LCP1: variants seen among roughly 807,000 people sequenced by gnomAD.
LCP1 encodes the protein lymphocyte cytosolic protein 1, also known as plastin-2.
Under a neutral mutation model 72.0 loss-of-function variants are expected in LCP1, and 23 were observed. That is an observed-to-expected ratio of 0.32 (90% confidence interval 0.23 to 0.45). The LOEUF (loss-of-function observed/expected upper bound fraction) is 0.45, where lower values mean the gene tolerates loss of function less well. LCP1 is among the 20% of genes least tolerant of loss of function. The pLI, the probability that LCP1 is intolerant of heterozygous loss-of-function variation, is 1.00. For synonymous variants in LCP1, 245 were observed against 275.4 expected, an observed-to-expected ratio of 0.89 and a Z score of 1.09; for missense variants, 571 against 748.3, an observed-to-expected ratio of 0.76 and a Z score of 2.76.
chr13:46,154,835 G>A lies in LCP1; in HGVS notation c.543C>T (p.Asn181=). The change falls in exon 6 of 16, where the codon AAC becomes AAT. Residue 181 remains asparagine, a synonymous_variant. Coordinates refer to ENST00000323076, the MANE Select transcript of LCP1 (RefSeq NM_002298.5). ...TGGTGAAAGGGGTTAGCTTCTTTTT[G>A]TTGATTGTTCTTTCATCAATTGTGT... The part of the protein sequence containing the change: ...VPDTIDERTI[N]KKKLTPFTIQ... 3 of 1,613,972 alleles carry A rather than the reference G, an allele frequency of 1.9e-6. No homozygotes were observed. The highest frequency in any genetic ancestry group is 2.5e-6 in the Non-Finnish European group (3 of 1,179,852).
intron 15 of LCP1, among the ~76,000 whole-genome samples, chr13:46,128,475 G>A (rs1019821191): frequency 1.1e-4 from 17 of 152,100 alleles, no homozygotes; most frequent in African/African-American, 4.1e-4. Flanking sequence ...GCGTGCGCCT[G>A]TAGTCCCAGC....
chr13:46,176,632 T>C (rs999796880), intron 1 of LCP1, among the ~76,000 whole-genome samples: 3 of 151,976 alleles, frequency 2.0e-5, no homozygotes, highest in Non-Finnish European at 2.9e-5. Flanking sequence ...AAATGCAGGG[T>C]ATTATTTAAA....
At chr13:46,164,426 C>T (rs1022283428) in intron 1 of LCP1, among the ~76,000 whole-genome samples, 33 of 152,144 alleles carry the variant, frequency 2.2e-4, no homozygotes, top group Non-Finnish European at 2.8e-4. Flanking sequence ...TATTTTTAAA[C>T]CACAGCAGGT....
intron 10 of LCP1, among the ~76,000 whole-genome samples, chr13:46,146,661 T>G (rs2045732601): frequency 6.6e-6 from 1 of 152,242 alleles, no homozygotes; most frequent in Admixed American, 6.5e-5. Context: ...TTATCTTTCC[T>G]AAAACATTTA....
chr13:46,129,855 G>A (rs2045623047), intron 15 of LCP1, among the ~76,000 whole-genome samples: 2 of 152,196 alleles, frequency 1.3e-5, no homozygotes, highest in South Asian at 4.1e-4. Flanking sequence ...TAGTTAAGAC[G>A]AGGTCATGCT....
chr13:46,144,539 G>A lies in LCP1; in HGVS notation c.1175-19C>T, dbSNP rs2045718409. 6.3e-7 allele frequency: 1 copy of A among 1,589,296 alleles called. No individual in the cohort carries two copies. The highest frequency in any genetic ancestry group is 1.1e-5 in the South Asian group (1 of 90,510). Reference sequence around the variant, plus strand: ...GTCTCACCTAGATGAATGAAGATGGGTTATCTTTTGGGACCGAAGAAAACA... The same window carrying A: ...GTCTCACCTAGATGAATGAAGATGGATTATCTTTTGGGACCGAAGAAAACA... On this transcript the variant is annotated intron_variant, in intron 10 of 15. Coordinates refer to ENST00000323076, the MANE Select transcript of LCP1 (RefSeq NM_002298.5).
chr13:46,171,464 C>T (rs1473287000), intron 1 of LCP1, among the ~76,000 whole-genome samples: 1 of 152,212 alleles, frequency 6.6e-6, no homozygotes, highest in African/African-American at 2.4e-5. Context: ...GGTTTCTCAA[C>T]ATCTTTAAAG....
At position 46,174,098 on chromosome 13, in the gene LCP1, G is replaced by A. The variant is rs74478836; in HGVS notation, c.-25+8013C>T. ...ATTGTAGTCTGAGCTGAAAAACAGT[G>A]AGACAATGTACAGCAGACATTTGTA... On this transcript the variant is annotated intron_variant, in intron 1 of 15. Transcript: ENST00000323076. Among the ~76,000 whole-genome samples, 25 of 152,290 alleles carry A rather than the reference G, an allele frequency of 1.6e-4. No homozygotes were observed. In the East Asian group the frequency reaches 4.8e-3, roughly 29 times the overall value.
intron 1 of LCP1, 48 bp from the exon 2 acceptor site, chr13:46,159,734 T>C: frequency 9.2e-7 from 1 of 1,083,508 alleles, no homozygotes; most frequent in South Asian, 1.3e-5. Flanking sequence ...ATTTGAATTC[T>C]TAAAATACCA....
At position 46,127,681 on chromosome 13, in the gene LCP1, A is replaced by G. The variant is rs1337965664; in HGVS notation, c.1794T>C (p.Tyr598=). 1 of 1,614,170 alleles carries G rather than the reference A, an allele frequency of 6.2e-7. No homozygotes were observed. Among genetic ancestry groups the G allele is most frequent in the South Asian group, 1.1e-5 (1 of 91,082 alleles). Residue 598 remains tyrosine, a synonymous_variant, in exon 16 of 16, where the codon TAT becomes TAC. Transcript: ENST00000323076. ...CTTCAACCAGGTCTTCTGGCAGGGCATACACTCTTGCTCCAATTTTTCGGG... is the reference window on the plus strand; with the variant it reads ...CTTCAACCAGGTCTTCTGGCAGGGCGTACACTCTTGCTCCAATTTTTCGGG... The part of the protein sequence containing the change: ...SMARKIGARV[Y]ALPEDLVEVN...
chr13:46,130,934 G>A lies in LCP1; in HGVS notation c.1631C>T (p.Pro544Leu), dbSNP rs1385431364. 11 of 1,602,058 alleles carry A rather than the reference G, an allele frequency of 6.9e-6. No homozygotes were observed. The highest frequency in any genetic ancestry group is 2.3e-5 in the East Asian group (1 of 44,140). Residue 544 changes from proline to leucine, a missense_variant, in exon 15 of 16, where the codon CCG (proline) becomes CTG (leucine). Transcript: ENST00000323076. ...AACAGGCAGACTTGTACTAATCTTC[G>A]GGTCCTATGCAGAGACACAGGGAGG... is the stretch of plus-strand genomic sequence containing the variant. ...KSSSISSFKD[P>L]KISTSLPVLD...
Position 46,127,994 on chromosome 13 carries a change from T to C in LCP1, c.1752-271A>G, listed in dbSNP as rs1383220412. ...GACCTCTTCAGCTCCTGCCTTTTTT[T>C]TAAGTTAAGTTTTTTTTTTTTTTTT... On this transcript the variant is annotated intron_variant, in intron 15 of 15. Transcript: ENST00000323076. Among the ~76,000 whole-genome samples the C allele has an allele frequency of 2.9e-5, 4 of 137,254 alleles. No homozygotes were observed. In the East Asian group the frequency reaches 8.8e-4, roughly 30 times the overall value. 90.0% of individuals were successfully genotyped at this position (137,254 alleles called of 152,430 possible). A position where few individuals can be genotyped will look rare whatever the true frequency, so the allele number is the denominator to read the frequency against.
Position 46,172,514 on chromosome 13 carries a change from A to G in LCP1, c.-25+9597T>C, listed in dbSNP as rs563555657. Among the ~76,000 whole-genome samples the G allele has an allele frequency of 3.9e-5, 6 of 152,204 alleles. 1 individual carries two copies. In the South Asian group the frequency reaches 1.2e-3, roughly 32 times the overall value. ...AAAAAAGGAAGAAAGAAAAGAAAAGAAAGAGAAAATAGCTCTACAAAGTGC... is the reference window on the plus strand; with the variant it reads ...AAAAAAGGAAGAAAGAAAAGAAAAGGAAGAGAAAATAGCTCTACAAAGTGC... On this transcript the variant is annotated intron_variant, in intron 1 of 15. Transcript: ENST00000323076.
At chr13:46,128,346 C>T (rs1322763094) in intron 15 of LCP1, among the ~76,000 whole-genome samples, 2 of 152,196 alleles carry the variant, frequency 1.3e-5, no homozygotes, top group African/African-American at 4.8e-5. Context: ...CGCCTGTAAT[C>T]CCAACACTTC....
Position 46,142,813 on chromosome 13 carries a change from T to C in LCP1, c.1369-388A>G, listed in dbSNP as rs761231584. ...CCTCTGCACACATAGCAAATGGACATGTGAACAGATATTCCTGTAGCTACG... is the reference window on the plus strand; with the variant it reads ...CCTCTGCACACATAGCAAATGGACACGTGAACAGATATTCCTGTAGCTACG... On this transcript the variant is annotated intron_variant, in intron 12 of 15. Coordinates refer to ENST00000323076, the MANE Select transcript of LCP1 (RefSeq NM_002298.5). The C allele has an allele frequency of 6.5e-6, 3 of 463,644 alleles. No individual in the cohort carries two copies. In the Admixed American group the frequency reaches 7.1e-5, roughly 11 times the overall value. The allele number at this position is 463,644 out of a possible 1,614,324, so 28.7% of individuals were successfully genotyped here.
At chr13:46,171,048 G>A (rs2045902274) in intron 1 of LCP1, among the ~76,000 whole-genome samples, 1 of 152,222 alleles carries the variant, frequency 6.6e-6, no homozygotes, top group Admixed American at 6.5e-5. Context: ...TTTGGAGTCA[G>A]AGAAAGGGCA....
intron 13 of LCP1, among the ~76,000 whole-genome samples, chr13:46,136,113 A>AC (rs57604478): frequency 1.0e-4 from 15 of 146,242 alleles, no homozygotes; most frequent in Admixed American, 2.0e-4. Flanking sequence ...ACACACACAC[A>AC]AAGACCTATA....
chr13:46,171,839 C>A (rs2045906257), intron 1 of LCP1, among the ~76,000 whole-genome samples: 1 of 152,264 alleles, frequency 6.6e-6, no homozygotes, highest in Non-Finnish European at 1.5e-5. Context: ...ACGCAATTTT[C>A]TTCAATACAG....
rs1343999519 is a variant in LCP1, at chr13:46,127,478, A to C, written c.*113T>G. On this transcript the variant is annotated 3_prime_UTR_variant, in exon 16 of 16. Coordinates refer to ENST00000323076, the MANE Select transcript of LCP1 (RefSeq NM_002298.5). Reference sequence around the variant, plus strand: ...GCTGCACTAATATGTGCTTTTTGGAATCTTATAGAGTGTCACCAAGTTGAA... The same window carrying C: ...GCTGCACTAATATGTGCTTTTTGGACTCTTATAGAGTGTCACCAAGTTGAA... 7.3e-7 allele frequency: 1 copy of C among 1,361,878 alleles called. No individual in the cohort carries two copies. Among genetic ancestry groups the C allele is most frequent in the African/African-American group, 1.5e-5 (1 of 68,842 alleles). The allele number at this position is 1,361,878 out of a possible 1,614,324, so 84.4% of individuals were successfully genotyped here.
Sources: gnomAD v4.1 joint callset for allele counts (sites outside exome capture counted in the v4.1 genomes callset) on GRCh38, gnomAD v4.1.1 for gene constraint, MANE v1.5 for transcripts, NCBI Gene and HGNC (gene_info 2026-07-23, HGNC 2026-07-21) for gene names.